PAN3: variants seen among roughly 807,000 people sequenced by gnomAD.
PAN3 encodes the protein PAN2-PAN3 deadenylation complex subunit PAN3.
Under a neutral mutation model 96.2 loss-of-function variants are expected in PAN3, and 19 were observed. The ratio of observed to expected loss-of-function variants is 0.20; its 90% CI spans 0.14 to 0.29. PAN3 has a LOEUF of 0.29. Ranked by LOEUF, PAN3 falls within the 10% of genes least tolerant of loss-of-function variation. The pLI, the probability that PAN3 is intolerant of heterozygous loss-of-function variation, is 1.00. For missense variants in PAN3, 882 were observed against 1,108.1 expected (o/e 0.80, Z 2.90); for synonymous variants, 433 against 406.6 (o/e 1.06, Z -0.78).
chr13:28,215,494 A>C, intron 5 of PAN3: 1 of 679,796 alleles, frequency 1.5e-6, no homozygotes, highest in South Asian at 1.7e-5. Flanking sequence ...TGCTGTTGAC[A>C]GCAAAAATGA....
intron 5 of PAN3, among the ~76,000 whole-genome samples, chr13:28,216,334 A>G (rs577380858): frequency 1.3e-5 from 2 of 152,120 alleles, no homozygotes; most frequent in Non-Finnish European, 2.9e-5. Context: ...GAGAGCAGAG[A>G]GGGGTGGAAA....
At chr13:28,212,277 TA>T (rs1361522929) in intron 5 of PAN3, among the ~76,000 whole-genome samples, 2 of 152,164 alleles carry the variant, frequency 1.3e-5, no homozygotes, top group Non-Finnish European at 2.9e-5. Flanking sequence ...GGGGCCAAAT[TA>T]GCCTTAGAAT....
chr13:28,254,457 A>T (rs867140189), intron 6 of PAN3, among the ~76,000 whole-genome samples: 1 of 152,126 alleles, frequency 6.6e-6, no homozygotes, highest in African/African-American at 2.4e-5. Flanking sequence ...AAATTTACTC[A>T]TCTTTGGTTA....
intron 6 of PAN3, among the ~76,000 whole-genome samples, chr13:28,248,786 G>A (rs1019210050): frequency 4.6e-5 from 7 of 152,284 alleles, no homozygotes; most frequent in Non-Finnish European, 8.8e-5. Context: ...GCCTCTCAAA[G>A]TGCTGGGCCA....
intron 6 of PAN3, among the ~76,000 whole-genome samples, chr13:28,223,689 A>G (rs1006401890): frequency 6.6e-6 from 1 of 151,910 alleles, no homozygotes; most frequent in African/African-American, 2.4e-5. Context: ...ACTTAAGACT[A>G]ATTTCCAGAG....
intron 9 of PAN3, among the ~76,000 whole-genome samples, chr13:28,263,703 T>G (rs1885923987): frequency 6.6e-6 from 1 of 152,138 alleles, no homozygotes; most frequent in South Asian, 2.1e-4. Context: ...AAAAGTCAAC[T>G]TCAAATAGAT....
chr13:28,280,915 T>TA (rs1887424166), intron 16 of PAN3, among the ~76,000 whole-genome samples: 1 of 152,186 alleles, frequency 6.6e-6, no homozygotes, highest in South Asian at 2.1e-4. Flanking sequence ...TGTATATAAA[T>TA]AGACACAAAA....
intron 1 of PAN3, among the ~76,000 whole-genome samples, chr13:28,144,375 C>G (rs1292916214): frequency 1.3e-5 from 2 of 151,800 alleles, no homozygotes; most frequent in Admixed American, 1.3e-4. Flanking sequence ...CCACCACGCC[C>G]AGATAATTTT....
chr13:28,261,832 C>CAAAAAAA, intron 9 of PAN3, among the ~76,000 whole-genome samples: 1 of 112,714 alleles, frequency 8.9e-6, no homozygotes, highest in Non-Finnish European at 1.7e-5. Flanking sequence ...GACCCTGTCT[C>CAAAAAAA]AAAAAAAAAA....
intron 5 of PAN3, among the ~76,000 whole-genome samples, chr13:28,217,687 T>A (rs1200270132): frequency 6.6e-6 from 1 of 152,166 alleles, no homozygotes; most frequent in African/African-American, 2.4e-5. Context: ...CACTTAGAAC[T>A]ATTTAAAATA....
chr13:28,272,312 C>T (rs184319332), intron 14 of PAN3: 18 of 299,902 alleles, frequency 6.0e-5, no homozygotes, highest in African/African-American at 3.1e-4. Context: ...GCTCTGTCAC[C>T]TGGGCTAGAG....
At position 28,242,188 on chromosome 13, in the gene PAN3, T is replaced by C. The variant is rs79200738; in HGVS notation, c.1001-14104T>C. Among the ~76,000 whole-genome samples the C allele has an allele frequency of 9.8e-3, 1,488 of 152,314 alleles. 17 individuals carry two copies. The highest frequency in any genetic ancestry group is 0.034 in the African/African-American group (1,421 of 41,556). ...ATGTTTGCTTTTAAATAGTATTGAC[T>C]GACATATGTGCTGCTTGATAGCATG... On this transcript the variant is annotated intron_variant, in intron 6 of 18. Transcript: ENST00000380958.
intron 17 of PAN3, among the ~76,000 whole-genome samples, chr13:28,284,441 A>T (rs1213041325): frequency 6.8e-6 from 1 of 147,284 alleles, no homozygotes; most frequent in Non-Finnish European, 1.5e-5. Flanking sequence ...ATATGTCTGT[A>T]ACTGACCAAA....
chr13:28,291,290 A>G (rs1869716666), intron 18 of PAN3, among the ~76,000 whole-genome samples: 1 of 152,222 alleles, frequency 6.6e-6, no homozygotes, highest in Admixed American at 6.5e-5. Flanking sequence ...AATAACAAAA[A>G]TAAAGTGAAA....
chr13:28,291,085 T>G (rs1190232660), intron 18 of PAN3, among the ~76,000 whole-genome samples: 1 of 152,118 alleles, frequency 6.6e-6, no homozygotes, highest in Non-Finnish European at 1.5e-5. Flanking sequence ...TATTCTAAGT[T>G]TGAAAAGAGT....
chr13:28,167,040 C>G (rs1160285991), intron 1 of PAN3, among the ~76,000 whole-genome samples: 1 of 147,590 alleles, frequency 6.8e-6, no homozygotes, highest in East Asian at 2.0e-4. Context: ...TTCCTTTTAT[C>G]TATATGAATC....
intron 2 of PAN3, among the ~76,000 whole-genome samples, chr13:28,175,200 T>C (rs1319296213): frequency 6.6e-6 from 1 of 152,212 alleles, no homozygotes; most frequent in Non-Finnish European, 1.5e-5. Flanking sequence ...TCTCCATTAT[T>C]ACAATAGGAT....
chr13:28,262,876 C>T lies in PAN3; in HGVS notation c.1411+1418C>T, dbSNP rs982304313. 3.3e-5 allele frequency among the ~76,000 whole-genome samples: 5 copies of T among 152,134 alleles called. No homozygotes were observed. The East Asian group carries it at 9.6e-4, about 29-fold the overall frequency. On this transcript the variant is annotated intron_variant, in intron 9 of 18. Transcript: ENST00000380958. ...TAACAACAAAAGATAGGTAAGATTTCAGCAGGGGAGATTTATTTATTACGC... is the reference window on the plus strand; with the variant it reads ...TAACAACAAAAGATAGGTAAGATTTTAGCAGGGGAGATTTATTTATTACGC...
chr13:28,224,632 C>T (rs764388431), intron 6 of PAN3, among the ~76,000 whole-genome samples: 16 of 151,834 alleles, frequency 1.1e-4, no homozygotes, highest in Non-Finnish European at 1.8e-4. Context: ...ATTATTATTA[C>T]TTTAGAGAGA....
Sources: allele counts gnomAD v4.1 joint callset (sites outside exome capture counted in the v4.1 genomes callset), GRCh38; gene constraint gnomAD v4.1.1; transcripts MANE v1.5; gene names NCBI Gene and HGNC (gene_info 2026-07-23, HGNC 2026-07-21).